The following TBC1D31 variants were observed in gnomAD, a reference collection of about 807,000 sequenced individuals.
TBC1D31 encodes the protein WD repeat domain 67.
Under a neutral mutation model 132.9 loss-of-function variants are expected in TBC1D31, and 99 were observed. The ratio of observed to expected loss-of-function variants is 0.74; its 90% CI spans 0.63 to 0.88. TBC1D31 has a LOEUF of 0.88. Among genes scored for constraint, TBC1D31 ranks in the 40% least tolerant of loss-of-function variants. TBC1D31 has a pLI of 0.00. For missense variants in TBC1D31, 1,134 were observed against 1,256.6 expected (o/e 0.90, Z 1.48); for synonymous variants, 385 against 419.4 (o/e 0.92, Z 1.00).
In TBC1D31 at chr8:123,106,539, A is replaced by T. The variant is rs866499795; in HGVS notation, c.1209+1075A>T. On this transcript the variant is annotated intron_variant, in intron 8 of 21. Coordinates refer to ENST00000287380, the MANE Select transcript of TBC1D31 (RefSeq NM_145647.4). ...TATAGGTATGTATATATAGGGAAAA[A>T]CATAATATATTTAGGGTTCAGTGTT... Among the ~76,000 whole-genome samples, 4 of 152,210 alleles carry T rather than the reference A, an allele frequency of 2.6e-5. No individual in the cohort carries two copies. The East Asian group carries it at 7.7e-4, about 29-fold the overall frequency.
chr8:123,107,237 C>G (rs912115549), intron 8 of TBC1D31, among the ~76,000 whole-genome samples: 1 of 152,184 alleles, frequency 6.6e-6, no homozygotes, highest in African/African-American at 2.4e-5. Context: ...TGCAAGTAAG[C>G]CTTCTGAGGG....
intron 4 of TBC1D31, among the ~76,000 whole-genome samples, chr8:123,085,744 T>A (rs1815672619): frequency 6.6e-6 from 1 of 152,224 alleles, no homozygotes; most frequent in Non-Finnish European, 1.5e-5. Context: ...CCATCCATAT[T>A]ATATTTATTA....
rs1039399806 is a variant in TBC1D31, at chr8:123,134,342, G to A, written c.2499+136G>A. On this transcript the variant is annotated intron_variant, in intron 17 of 21. Transcript: ENST00000287380. ...AGCTAAGGAATTCCAGACCAGACCT[G>A]GGCAATATAGTGAGACCCCATCTCT... 4.7e-6 allele frequency: 3 copies of A among 643,320 alleles called. No homozygotes were observed. The African/African-American group carries it at 5.5e-5, about 12-fold the overall frequency. The allele number at this position is 643,320 out of a possible 1,614,324, so 39.9% of individuals were successfully genotyped here. A position where few individuals can be genotyped will look rare whatever the true frequency, so the allele number is the denominator to read the frequency against.
At chr8:123,136,567 C>T (rs976283279) in intron 17 of TBC1D31, among the ~76,000 whole-genome samples, 11 of 152,198 alleles carry the variant, frequency 7.2e-5, no homozygotes, top group Non-Finnish European at 1.0e-4. Context: ...TCTCCTGCCT[C>T]AGCCTCCCGA....
intron 16 of TBC1D31, among the ~76,000 whole-genome samples, chr8:123,132,403 CTTTTTTTTTTTTTTTT>C (rs34901750): frequency 3.6e-5 from 2 of 55,442 alleles, no homozygotes; most frequent in Non-Finnish European, 7.1e-5. Context: ...TTTTTTAAGT[CTTTTTTTTTTTTTTTT>C]TTTTTTTTTT....
chr8:123,157,719 GCACACACACA>G, the TBC1D31 span, among the ~76,000 whole-genome samples: 2 of 147,934 alleles, frequency 1.4e-5, no homozygotes, highest in African/African-American at 2.5e-5. Context: ...GCGCGCGCGC[GCACACACACA>G]CACACACACA....
At chr8:123,141,012 T>C (rs1821607750) in intron 18 of TBC1D31, 111 bp downstream of exon 18, 1 of 996,006 alleles carries the variant, frequency 1.0e-6, no homozygotes, top group Non-Finnish European at 1.5e-6. Flanking sequence ...AGTTTGTTTC[T>C]TTGCTTCAGT....
At chr8:123,137,195 T>C (rs1175661395) in intron 17 of TBC1D31, among the ~76,000 whole-genome samples, 4 of 152,210 alleles carry the variant, frequency 2.6e-5, no homozygotes, top group Non-Finnish European at 4.4e-5. Flanking sequence ...CATCCCCTCA[T>C]AATCTTCTAG....
At chr8:123,094,519 A>ATTTG (rs1554608166) in intron 5 of TBC1D31, among the ~76,000 whole-genome samples, 83 of 146,340 alleles carry the variant, frequency 5.7e-4, no homozygotes, top group South Asian at 1.3e-3. Flanking sequence ...TTATTTATTT[A>ATTTG]TTTATTTATT....
chr8:123,115,878 C>T (rs1455711618), intron 10 of TBC1D31, among the ~76,000 whole-genome samples: 1 of 152,184 alleles, frequency 6.6e-6, no homozygotes, highest in Non-Finnish European at 1.5e-5. Context: ...AGGTGCTTAA[C>T]TTAATCATAT....
At chr8:123,101,065 T>C in intron 7 of TBC1D31, 58 bp downstream of exon 7, 2 of 1,243,136 alleles carry the variant, frequency 1.6e-6, no homozygotes, top group Non-Finnish European at 2.3e-6. Context: ...TATTATATCA[T>C]CAAGAATAAA....
At chr8:123,120,307 G>C in intron 11 of TBC1D31, 119 bp downstream of exon 11, 1 of 771,140 alleles carries the variant, frequency 1.3e-6, no homozygotes, top group African/African-American at 1.8e-5. Flanking sequence ...AGTCACGAAA[G>C]TGTGAAACAA....
chr8:123,120,206 A>G lies in TBC1D31; in HGVS notation c.1570+18A>G. 1.3e-6 allele frequency: 2 copies of G among 1,574,326 alleles called. No homozygotes were observed. Among genetic ancestry groups the G allele is most frequent in the Non-Finnish European group, 1.7e-6 (2 of 1,156,078 alleles). On this transcript the variant is annotated intron_variant, in intron 11 of 21. Coordinates refer to ENST00000287380, the MANE Select transcript of TBC1D31 (RefSeq NM_145647.4). Reference sequence around the variant, plus strand: ...TCTCATAAGTAAGTAAATACTTGTTAAAGTATAAGATCAAGAATGGATTCT... The same window carrying G: ...TCTCATAAGTAAGTAAATACTTGTTGAAGTATAAGATCAAGAATGGATTCT...
intron 7 of TBC1D31, 83 bp from the exon 8 acceptor site, chr8:123,105,205 G>T: frequency 9.1e-7 from 1 of 1,103,406 alleles, no homozygotes. Flanking sequence ...TGTTATTAAA[G>T]CAAATTTTGA....
At chr8:123,139,387 T>C (rs1821413339) in intron 17 of TBC1D31, among the ~76,000 whole-genome samples, 1 of 152,220 alleles carries the variant, frequency 6.6e-6, no homozygotes, top group African/African-American at 2.4e-5. Flanking sequence ...GCTTAGTGAC[T>C]TTTCTGAACT....
chr8:123,116,534 A>G (rs976779986), intron 10 of TBC1D31, among the ~76,000 whole-genome samples: 1 of 152,222 alleles, frequency 6.6e-6, no homozygotes, highest in Admixed American at 6.5e-5. Context: ...ATGCAGATAA[A>G]TAGACACAGA....
At chr8:123,080,256 A>G (rs1814990803) in intron 2 of TBC1D31, among the ~76,000 whole-genome samples, 1 of 152,218 alleles carries the variant, frequency 6.6e-6, no homozygotes, top group Non-Finnish European at 1.5e-5. Context: ...TCAAAGAACA[A>G]TACATTTTTA....
intron 9 of TBC1D31, 32 bp from the exon 10 acceptor site, chr8:123,109,442 A>G: frequency 1.2e-6 from 2 of 1,609,344 alleles, no homozygotes; most frequent in South Asian, 2.2e-5. Flanking sequence ...CTCAAAAAAA[A>G]TTGGGGGGAT....
intron 1 of TBC1D31, among the ~76,000 whole-genome samples, chr8:123,073,770 C>T (rs1814179124): frequency 6.6e-6 from 1 of 152,080 alleles, no homozygotes; most frequent in Admixed American, 6.6e-5. Context: ...ACTGCATCCT[C>T]CACCTCCCGA....
Sources: allele counts gnomAD v4.1 joint callset (sites outside exome capture counted in the v4.1 genomes callset), GRCh38; gene constraint gnomAD v4.1.1; transcripts MANE v1.5; gene names NCBI Gene and HGNC (gene_info 2026-07-23, HGNC 2026-07-21).